FKBP15: variants seen among roughly 807,000 people sequenced by gnomAD.
FKBP15 encodes the protein FKBP prolyl isomerase family member 15.
FKBP15 carries 106 observed loss-of-function variants against 158.1 expected under a neutral mutation model. The ratio of observed to expected loss-of-function variants is 0.67; its 90% confidence interval spans 0.57 to 0.79. The LOEUF (loss-of-function observed/expected upper bound fraction) is 0.79, where lower values mean the gene tolerates loss of function less well. FKBP15 is among the 30% of genes least tolerant of loss of function. The pLI is 0.00. For missense variants in FKBP15, 1,287 were observed against 1,479.1 expected, an observed-to-expected ratio of 0.87 and a Z score of 2.13; for synonymous variants, 547 against 548.6, an observed-to-expected ratio of 1.00 and a Z score of 0.04.
chr9:113,170,465 T>C (rs1830185864), intron 25 of FKBP15, 57 bp downstream of exon 25: 1 of 1,177,862 alleles, frequency 8.5e-7, no homozygotes, highest in African/African-American at 1.5e-5. Flanking sequence ...CCTTAGAAGG[T>C]ACTTAAGCAA....
chr9:113,176,827 T>C (rs1201108500), intron 20 of FKBP15, among the ~76,000 whole-genome samples, 154 bp from the exon 21 acceptor site: 1 of 152,190 alleles, frequency 6.6e-6, no homozygotes, highest in Non-Finnish European at 1.5e-5. Context: ...TAGCTCACTA[T>C]AGCCTCCATC....
chr9:113,216,464 T>C (rs1363281870), intron 1 of FKBP15, among the ~76,000 whole-genome samples: 1 of 152,166 alleles, frequency 6.6e-6, no homozygotes, highest in Non-Finnish European at 1.5e-5. Flanking sequence ...TTAAATGAGA[T>C]TGTAAACGCA....
In FKBP15 at chr9:113,162,444, GATGATTTTCTCTTATTCCTT is replaced by G. The variant is rs1830028662; in HGVS notation, c.*3614_*3633del. ...ATTCAGGGGGGAAATATGCCTTACT[GATGATTTTCTCTTATTCCTT>G]ATCAGAAAGACAGATTATAGATACC... On this transcript the variant is annotated 3_prime_UTR_variant, in exon 28 of 28. Transcript: ENST00000238256. 3.9e-6 allele frequency: 1 copy of G among 256,830 alleles called. No homozygotes were observed. 15.9% of individuals were successfully genotyped at this position (256,830 alleles called of 1,614,324 possible). A position where few individuals can be genotyped will look rare whatever the true frequency, so the allele number is the denominator to read the frequency against.
chr9:113,171,160 G>A (rs1830201847), intron 24 of FKBP15, among the ~76,000 whole-genome samples: 1 of 152,244 alleles, frequency 6.6e-6, no homozygotes, highest in Non-Finnish European at 1.5e-5. Context: ...GGGCATGGTG[G>A]CTCATGCCTG....
chr9:113,204,798 C>G (rs1228266981), intron 4 of FKBP15, among the ~76,000 whole-genome samples: 2 of 152,200 alleles, frequency 1.3e-5, no homozygotes, highest in African/African-American at 4.8e-5. Flanking sequence ...TTTTTCAAAT[C>G]TAGACTGCCA....
chr9:113,162,430 A>T lies in FKBP15; in HGVS notation c.*3648T>A. Reference sequence around the variant, plus strand: ...GCCTCCCGAAGTAGATTCAGGGGGGAAATATGCCTTACTGATGATTTTCTC... The same window carrying T: ...GCCTCCCGAAGTAGATTCAGGGGGGTAATATGCCTTACTGATGATTTTCTC... On this transcript the variant is annotated 3_prime_UTR_variant, in exon 28 of 28. Coordinates refer to ENST00000238256, the MANE Select transcript of FKBP15 (RefSeq NM_015258.2). 1 of 238,320 alleles carries T rather than the reference A, an allele frequency of 4.2e-6. No individual in the cohort carries two copies. Among genetic ancestry groups the T allele is most frequent in the Admixed American group, 5.5e-5 (1 of 18,312 alleles). The allele number at this position is 238,320 out of a possible 1,614,324, so 14.8% of individuals were successfully genotyped here.
chr9:113,204,538 A>G (rs562174558), intron 4 of FKBP15, among the ~76,000 whole-genome samples: 1 of 152,346 alleles, frequency 6.6e-6, no homozygotes, highest in African/African-American at 2.4e-5. Flanking sequence ...AGAATTCTGT[A>G]ATAGGCAGGG....
chr9:113,200,894 A>G (rs1391860587), intron 6 of FKBP15, among the ~76,000 whole-genome samples: 2 of 151,970 alleles, frequency 1.3e-5, no homozygotes, highest in East Asian at 1.9e-4. Flanking sequence ...AAATACAAAA[A>G]TTAGCTGGGA....
rs527344185 is a variant in FKBP15 at position 113,186,740 on chromosome 9, A to G, written c.1384-377T>C. On this transcript the variant is annotated intron_variant, in intron 14 of 27. Transcript: ENST00000238256. ...GTTTAAAGAAGAAGTGCTCACTGAG[A>G]TTCCAAACCAAATCTGCCAATTTCC... The G allele has an allele frequency of 5.0e-5, 8 of 161,440 alleles. No individual in the cohort carries two copies. The South Asian group carries it at 1.4e-3, about 29-fold the overall frequency. 10.0% of individuals were successfully genotyped at this position (161,440 alleles called of 1,614,324 possible).
chr9:113,216,472 G>C (rs920812434), intron 1 of FKBP15, among the ~76,000 whole-genome samples: 27 of 152,188 alleles, frequency 1.8e-4, no homozygotes, highest in African/African-American at 6.5e-4. Flanking sequence ...GATTGTAAAC[G>C]CAATGCTTGA....
rs1478002096 is a variant in FKBP15 at position 113,174,689 on chromosome 9, GA to G, written c.2224-107del. The G allele has an allele frequency of 2.0e-5, 24 of 1,203,236 alleles. No homozygotes were observed. The African/African-American group carries it at 2.9e-4, about 15-fold the overall frequency. The allele number at this position is 1,203,236 out of a possible 1,614,324, so 74.5% of individuals were successfully genotyped here. Reference sequence around the variant, plus strand: ...CTTGTGGAATCCTTACTCCATTTCTGAAAACTCCATTTTTTAGTTGAATTTT... The same window carrying G: ...CTTGTGGAATCCTTACTCCATTTCTGAAACTCCATTTTTTAGTTGAATTTT... On this transcript the variant is annotated intron_variant, in intron 21 of 27. Transcript: ENST00000238256.
chr9:113,221,064 CA>C, intron 1 of FKBP15, 126 bp downstream of exon 1: 3 of 1,009,904 alleles, frequency 3.0e-6, no homozygotes, highest in South Asian at 1.6e-5. Flanking sequence ...AGGTGTAGAG[CA>C]CCGGAATGTG....
chr9:113,195,654 T>C (rs1046737884), intron 9 of FKBP15, among the ~76,000 whole-genome samples: 2 of 152,158 alleles, frequency 1.3e-5, no homozygotes, highest in Admixed American at 1.3e-4. Flanking sequence ...GACCATAATA[T>C]TCCCTATTTG....
In FKBP15 at chr9:113,162,748, G is replaced by A. The variant is rs1339544117; in HGVS notation, c.*3330C>T. ...TTAACTTGCTTCTCCTTTTTATCTA[G>A]GTGGTATTTGTGTCACTTTGGCCAG... is the stretch of plus-strand genomic sequence containing the variant. On this transcript the variant is annotated 3_prime_UTR_variant, in exon 28 of 28. Coordinates refer to ENST00000238256, the MANE Select transcript of FKBP15 (RefSeq NM_015258.2). The A allele has an allele frequency of 5.0e-6, 8 of 1,609,806 alleles. No individual in the cohort carries two copies. Among genetic ancestry groups the A allele is most frequent in the African/African-American group, 2.7e-5 (2 of 74,702 alleles).
At chr9:113,181,606 C>A (rs1291190328) in intron 19 of FKBP15, among the ~76,000 whole-genome samples, 1 of 152,168 alleles carries the variant, frequency 6.6e-6, no homozygotes, top group Non-Finnish European at 1.5e-5. Context: ...TAATCAAGCA[C>A]CCCAAGTAAG....
rs373250259 is a variant in FKBP15, at chr9:113,186,340, G to A, written c.1407C>T (p.Tyr469=). The A allele has an allele frequency of 1.4e-5, 22 of 1,565,474 alleles. No homozygotes were observed. Among genetic ancestry groups the A allele is most frequent in the African/African-American group, 2.7e-5 (2 of 73,806 alleles). Residue 469 remains tyrosine, a synonymous_variant, in exon 15 of 28, where the codon TAC becomes TAT. Coordinates refer to ENST00000238256, the MANE Select transcript of FKBP15 (RefSeq NM_015258.2). The part of the protein sequence containing the change: ...SFQPYAGMQA[Y]AYPQASAVTS... ...TGACGGCAGATGCCTGGGGATAAGCGTAGGCTTGCATACCTGCATAGGGCT... is the reference window on the plus strand; with the variant it reads ...TGACGGCAGATGCCTGGGGATAAGCATAGGCTTGCATACCTGCATAGGGCT...
intron 12 of FKBP15, among the ~76,000 whole-genome samples, chr9:113,188,744 C>A (rs1830525049): frequency 6.6e-6 from 1 of 152,182 alleles, no homozygotes; most frequent in Non-Finnish European, 1.5e-5. Context: ...CAAATATTCT[C>A]AGAGGTTGAT....
intron 19 of FKBP15, among the ~76,000 whole-genome samples, chr9:113,182,170 G>A (rs1830410313): frequency 6.6e-6 from 1 of 152,164 alleles, no homozygotes. Flanking sequence ...CCTCTGAGAA[G>A]AAAGACAGTA....
At chr9:113,202,448 G>A (rs372039428) in intron 6 of FKBP15, 83 bp downstream of exon 6, 16 of 1,047,036 alleles carry the variant, frequency 1.5e-5, no homozygotes, top group Middle Eastern at 2.5e-4. Context: ...AGCAGATTAT[G>A]GGTTTTCTAT....
Sources: allele counts gnomAD v4.1 joint callset (sites outside exome capture counted in the v4.1 genomes callset), GRCh38; gene constraint gnomAD v4.1.1; transcripts MANE v1.5; gene names NCBI Gene and HGNC (gene_info 2026-07-23, HGNC 2026-07-21).